The following SEMA3A variants were observed in gnomAD, a reference collection of about 807,000 sequenced individuals.
SEMA3A encodes the protein semaphorin-3A.
In SEMA3A, 29 loss-of-function variants were observed where a neutral mutation model predicts 97.9. That is an observed-to-expected ratio of 0.30 (90% CI 0.22 to 0.40). The LOEUF (loss-of-function observed/expected upper bound fraction) is 0.40, where lower values mean the gene tolerates loss of function less well. Ranked by LOEUF, SEMA3A falls within the 10% of genes least tolerant of loss-of-function variation. SEMA3A has a pLI of 1.00. For synonymous variants in SEMA3A, 321 were observed against 323.7 expected, an observed-to-expected ratio of 0.99 and a Z score of 0.09; for missense variants, 763 against 951.3, an observed-to-expected ratio of 0.80 and a Z score of 2.60.
At chr7:84,253,401 C>G (rs1799652140) in intron 3 of SEMA3A, among the ~76,000 whole-genome samples, 1 of 151,372 alleles carries the variant, frequency 6.6e-6, no homozygotes, top group South Asian at 2.1e-4. Context: ...CACAATGTGT[C>G]TATTAGATTA....
At chr7:84,377,521 G>C (rs910563828) in intron 1 of SEMA3A, among the ~76,000 whole-genome samples, 2 of 152,110 alleles carry the variant, frequency 1.3e-5, no homozygotes, top group Non-Finnish European at 2.9e-5. Context: ...AGTAAATTTT[G>C]AAGTCAGGTA....
intron 1 of SEMA3A, among the ~76,000 whole-genome samples, chr7:84,484,398 T>A (rs1194634140): frequency 6.6e-6 from 1 of 151,748 alleles, no homozygotes; most frequent in African/African-American, 2.4e-5. Flanking sequence ...AATAAGAGCT[T>A]TTTTTTTAAA....
In SEMA3A at chr7:84,423,496, A is replaced by T. The variant is rs376458615; in HGVS notation, c.-245-51596T>A. ...TTAACCAAAGAGGTCTTCTGTGGTCATCCTGAACAAATGAATTGCATTCCT... is the reference window on the plus strand; with the variant it reads ...TTAACCAAAGAGGTCTTCTGTGGTCTTCCTGAACAAATGAATTGCATTCCT... On this transcript the variant is annotated intron_variant, in intron 1 of 3. Transcript: ENST00000424555. 6.6e-5 allele frequency among the ~76,000 whole-genome samples: 10 copies of T among 152,202 alleles called. 2 individuals are homozygous for T. The highest frequency in any genetic ancestry group is 6.6e-5 in the Admixed American group (1 of 15,238).
At position 84,194,689 on chromosome 7, in the gene SEMA3A, A is replaced by C; in HGVS notation, c.-103T>G. 2.8e-6 allele frequency: 2 copies of C among 713,046 alleles called. No individual in the cohort carries two copies. Among genetic ancestry groups the C allele is most frequent in the Non-Finnish European group, 5.0e-6 (2 of 401,468 alleles). 44.2% of individuals were successfully genotyped at this position (713,046 alleles called of 1,614,324 possible). Reference sequence around the variant, plus strand: ...GGAAACTGGAGGTAACAGGTGATTTAGGTCAGTTTCATTCATAAATGCAGA... The same window carrying C: ...GGAAACTGGAGGTAACAGGTGATTTCGGTCAGTTTCATTCATAAATGCAGA... On this transcript the variant is annotated 5_prime_UTR_variant, in exon 1 of 17. An upstream open reading frame in the 5' UTR loses its in-frame stop. Transcript: ENST00000265362.
intron 1 of SEMA3A, among the ~76,000 whole-genome samples, chr7:84,150,144 A>G (rs1429921121): frequency 6.6e-6 from 1 of 152,252 alleles, no homozygotes; most frequent in African/African-American, 2.4e-5. Context: ...GGTAACTGGT[A>G]GGAATTATTT....
chr7:84,336,811 C>A (rs1211688096), intron 2 of SEMA3A, among the ~76,000 whole-genome samples: 2 of 152,088 alleles, frequency 1.3e-5, no homozygotes, highest in Non-Finnish European at 2.9e-5. Flanking sequence ...AGTAAAGTAG[C>A]ATGTCTTGTA....
At chr7:84,145,137 G>A (rs948924619) in intron 1 of SEMA3A, among the ~76,000 whole-genome samples, 5 of 152,056 alleles carry the variant, frequency 3.3e-5, no homozygotes, top group Non-Finnish European at 7.4e-5. Context: ...ACCCTCACCT[G>A]CTTAGGTAAA....
intron 4 of SEMA3A, among the ~76,000 whole-genome samples, chr7:84,102,498 G>T (rs1794986425): frequency 6.6e-6 from 1 of 150,868 alleles, no homozygotes; most frequent in Non-Finnish European, 1.5e-5. Context: ...GAGCAGCAGA[G>T]AGCCATTGGG....
At chr7:84,392,822 T>A (rs1803618986) in intron 1 of SEMA3A, among the ~76,000 whole-genome samples, 1 of 152,198 alleles carries the variant, frequency 6.6e-6, no homozygotes, top group Non-Finnish European at 1.5e-5. Flanking sequence ...CTTGAATCTG[T>A]TAGCCATTTG....
At position 84,071,809 on chromosome 7, in the gene SEMA3A, A is replaced by G. The variant is rs375982837; in HGVS notation, c.454-11251T>C. Among the ~76,000 whole-genome samples, 4 of 152,134 alleles carry G rather than the reference A, an allele frequency of 2.6e-5. No individual in the cohort carries two copies. In the East Asian group the frequency reaches 7.7e-4, roughly 29 times the overall value. On this transcript the variant is annotated intron_variant, in intron 4 of 16. Transcript: ENST00000265362. ...TCTAAGTACATTTCTTTCAAATATA[A>G]ATATAGAGCTTTGCACTGAGTTAAA...
chr7:84,009,905 CAAAAAAAAAA>C (rs3074687), intron 9 of SEMA3A, among the ~76,000 whole-genome samples: 2 of 91,710 alleles, frequency 2.2e-5, no homozygotes, highest in African/African-American at 4.3e-5. Context: ...ACACTGGTTA[CAAAAAAAAAA>C]AAAAAAAAAA....
At chr7:83,963,407 A>G in intron 15 of SEMA3A, 60 bp from the exon 16 acceptor site, 2 of 1,552,342 alleles carry the variant, frequency 1.3e-6, no homozygotes, top group Middle Eastern at 1.7e-4. Flanking sequence ...CAACTTTCCA[A>G]AGTTTTTATT....
At chr7:84,007,645 CAT>C in intron 9 of SEMA3A, 148 bp from the exon 10 acceptor site, 3 of 676,142 alleles carry the variant, frequency 4.4e-6, no homozygotes, top group East Asian at 3.4e-5. Flanking sequence ...TTTCTAGTCA[CAT>C]GTATGCATTT....
intron 2 of SEMA3A, among the ~76,000 whole-genome samples, chr7:84,356,696 T>C (rs116492951): frequency 0.015 from 2,227 of 152,102 alleles, 62 homozygotes; most frequent in African/African-American, 0.051. Flanking sequence ...ACTTGGTACA[T>C]ACTAGGAAGT....
intron 4 of SEMA3A, among the ~76,000 whole-genome samples, chr7:84,067,134 T>C (rs538746290): frequency 6.6e-6 from 1 of 152,314 alleles, no homozygotes; most frequent in Admixed American, 6.5e-5. Context: ...TACAAGTATC[T>C]GTTCTTTGAC....
intron 2 of SEMA3A, among the ~76,000 whole-genome samples, chr7:84,370,781 A>G (rs1022245819): frequency 2.9e-4 from 44 of 151,800 alleles, no homozygotes; most frequent in African/African-American, 1.0e-3. Flanking sequence ...TTTAGGGACA[A>G]AAATAAGGAG....
At chr7:84,139,254 A>G (rs1371214425) in intron 1 of SEMA3A, among the ~76,000 whole-genome samples, 2 of 152,088 alleles carry the variant, frequency 1.3e-5, no homozygotes, top group Admixed American at 6.6e-5. Context: ...TAATTTGACT[A>G]TGGTGAATCT....
Position 83,960,915 on chromosome 7 carries a change from G to A in SEMA3A, c.*456C>T, listed in dbSNP as rs10239654. On this transcript the variant is annotated 3_prime_UTR_variant, in exon 17 of 17. Transcript: ENST00000265362. The stretch of plus-strand genomic sequence containing the variant: ...TCAAGTACATACAAACATGAGGGCC[G>A]GTAGACAAAATATATCCTTGAATCC... 26,755 of 169,266 alleles carry A rather than the reference G, an allele frequency of 0.16. 2,485 individuals carry two copies. Among genetic ancestry groups the A allele is most frequent in the Non-Finnish European group, 0.21 (16,147 of 77,332 alleles). 10.5% of individuals were successfully genotyped at this position (169,266 alleles called of 1,614,324 possible). A position where few individuals can be genotyped will look rare whatever the true frequency, so the allele number is the denominator to read the frequency against.
intron 1 of SEMA3A, among the ~76,000 whole-genome samples, chr7:84,150,491 G>A (rs900875163): frequency 1.3e-5 from 2 of 152,196 alleles, no homozygotes; most frequent in Non-Finnish European, 1.5e-5. Context: ...ACGGCACCTG[G>A]AGAATCGGGT....
Sources: gnomAD v4.1 joint callset for allele counts (sites outside exome capture counted in the v4.1 genomes callset) on GRCh38, gnomAD v4.1.1 for gene constraint, MANE v1.5 for transcripts, NCBI Gene and HGNC (gene_info 2026-07-23, HGNC 2026-07-21) for gene names.